The following LRRFIP2 variants were observed in gnomAD, a reference collection of about 807,000 sequenced individuals.
The protein encoded by LRRFIP2 is leucine-rich repeat flightless-interacting protein 2.
LRRFIP2 carries 109 observed loss-of-function variants against 125.9 expected under a neutral mutation model. The observed-to-expected ratio is 0.87, with a 90% CI of 0.74 to 1.01. The LOEUF is 1.01. Among genes scored for constraint, LRRFIP2 ranks in the 50% least tolerant of loss-of-function variants. The probability of loss-of-function intolerance (pLI) is 0.00; values close to 1 mark genes in which losing one functional copy is unlikely to be tolerated. For synonymous variants in LRRFIP2, 291 were observed against 293.1 expected (o/e 0.99, Z 0.07); for missense variants, 850 against 862.3 (o/e 0.99, Z 0.18).
At chr3:37,134,329 A>C (rs2095504088) in intron 2 of LRRFIP2, among the ~76,000 whole-genome samples, 1 of 152,204 alleles carries the variant, frequency 6.6e-6, no homozygotes, top group South Asian at 2.1e-4. Context: ...CACATAATGG[A>C]CACTAAGAAA....
In LRRFIP2 at chr3:37,054,401, AAAG is replaced by A; in HGVS notation, c.2055+7_2055+9del. The A allele has an allele frequency of 6.3e-7, 1 of 1,598,834 alleles. No homozygotes were observed. Among genetic ancestry groups the A allele is most frequent in the South Asian group, 1.1e-5 (1 of 90,248 alleles). On this transcript the variant is annotated splice_region_variant and intron_variant, in intron 27 of 27. Coordinates refer to ENST00000336686, the MANE Select transcript of LRRFIP2 (RefSeq NM_006309.4). ...AATGTATTCTCCAAGAAACATATTA[AAAG>A]AAGTACCTCTCGTTGTAGCTTCCGT...
At chr3:37,106,838 T>C (rs1331497946) in intron 13 of LRRFIP2, among the ~76,000 whole-genome samples, 2 of 152,124 alleles carry the variant, frequency 1.3e-5, no homozygotes, top group African/African-American at 4.8e-5. Flanking sequence ...TGGATAAGAA[T>C]GGTCATTGTA....
At chr3:37,087,814 C>T (rs1410280140) in intron 18 of LRRFIP2, among the ~76,000 whole-genome samples, 1 of 151,812 alleles carries the variant, frequency 6.6e-6, no homozygotes, top group African/African-American at 2.4e-5. Context: ...GTCTTGACCT[C>T]CTGACCTCAG....
intron 15 of LRRFIP2, among the ~76,000 whole-genome samples, chr3:37,100,993 T>A (rs2094006774): frequency 6.6e-6 from 1 of 152,184 alleles, no homozygotes; most frequent in Admixed American, 6.5e-5. Flanking sequence ...AATAGTTATT[T>A]AAATACGATC....
rs759831013 is a variant in LRRFIP2, at chr3:37,053,801, C to T, written c.*50G>A. 2 of 1,259,730 alleles carry T rather than the reference C, an allele frequency of 1.6e-6. No homozygotes were observed. The highest frequency in any genetic ancestry group is 4.6e-5 in the East Asian group (2 of 43,248). The allele number at this position is 1,259,730 out of a possible 1,614,324, so 78.0% of individuals were successfully genotyped here. On this transcript the variant is annotated 3_prime_UTR_variant, in exon 28 of 28. Coordinates refer to ENST00000336686, the MANE Select transcript of LRRFIP2 (RefSeq NM_006309.4). ...TTGTGTCAATGGACAAAAGTCAGTC[C>T]CTCTAGGTAGGGCCCCAAGGAGCAT...
In LRRFIP2 at chr3:37,083,813, G is replaced by A; in HGVS notation, c.1108-7C>T. 1 of 1,583,302 alleles carries A rather than the reference G, an allele frequency of 6.3e-7. No individual in the cohort carries two copies. Among genetic ancestry groups the A allele is most frequent in the Non-Finnish European group, 8.6e-7 (1 of 1,169,562 alleles). On this transcript the variant is annotated splice_polypyrimidine_tract_variant and splice_region_variant and intron_variant, in intron 18 of 27. Transcript: ENST00000336686. ...CCACTTCAGACAAAGATTCCTAAAT[G>A]AGAGTTAAGTCATCAGTCTGATATC...
intron 1 of LRRFIP2, among the ~76,000 whole-genome samples, chr3:37,169,441 T>C (rs971184445): frequency 6.6e-6 from 1 of 152,198 alleles, no homozygotes. Flanking sequence ...TAAAGCTGAA[T>C]TTTTTTCTAC....
At chr3:37,101,095 TG>T (rs2094012555) in intron 15 of LRRFIP2, among the ~76,000 whole-genome samples, 3 of 152,072 alleles carry the variant, frequency 2.0e-5, no homozygotes, top group Non-Finnish European at 1.5e-5. Context: ...CGGTGGCTCA[TG>T]TATGTAATCT....
At chr3:37,156,232 C>G (rs2096186407) in intron 1 of LRRFIP2, among the ~76,000 whole-genome samples, 1 of 152,132 alleles carries the variant, frequency 6.6e-6, no homozygotes, top group East Asian at 1.9e-4. Context: ...GTAATCCCAG[C>G]ACTCTGCGAG....
intron 2 of LRRFIP2, among the ~76,000 whole-genome samples, chr3:37,144,321 T>C (rs1374655761): frequency 2.0e-5 from 3 of 152,244 alleles, no homozygotes; most frequent in Admixed American, 1.3e-4. Flanking sequence ...CTTTCTCCCT[T>C]CCTTTCTTCC....
chr3:37,088,722 A>G (rs1043331901), intron 18 of LRRFIP2, among the ~76,000 whole-genome samples: 1 of 152,106 alleles, frequency 6.6e-6, no homozygotes, highest in Non-Finnish European at 1.5e-5. Context: ...GCTTGAGTCC[A>G]GGAGTTCAAG....
intron 21 of LRRFIP2, chr3:37,067,003 T>C (rs2090291812): frequency 6.6e-6 from 1 of 152,236 alleles, no homozygotes; most frequent in Non-Finnish European, 1.5e-5. Flanking sequence ...ACTGACAAAA[T>C]AAATACAGCC....
chr3:37,082,441 C>T (rs2092721215), intron 19 of LRRFIP2, among the ~76,000 whole-genome samples: 1 of 152,124 alleles, frequency 6.6e-6, no homozygotes, highest in Non-Finnish European at 1.5e-5. Flanking sequence ...CCTGTCCCCA[C>T]ACACGCACAG....
intron 26 of LRRFIP2, 92 bp from the exon 27 acceptor site, chr3:37,054,607 G>C (rs2086266284): frequency 3.7e-6 from 3 of 819,550 alleles, no homozygotes; most frequent in Non-Finnish European, 4.0e-6. Context: ...CATTATAAAT[G>C]CCAAGTAATC....
At chr3:37,054,933 A>G (rs1176434580) in intron 26 of LRRFIP2, among the ~76,000 whole-genome samples, 153 bp downstream of exon 26, 2 of 152,222 alleles carry the variant, frequency 1.3e-5, no homozygotes, top group East Asian at 3.8e-4. Context: ...GAAGGCTAAA[A>G]TGTCCCAACA....
At chr3:37,058,547 C>T (rs574691147) in intron 25 of LRRFIP2, among the ~76,000 whole-genome samples, 7 of 151,980 alleles carry the variant, frequency 4.6e-5, no homozygotes, top group South Asian at 2.1e-4. Flanking sequence ...TGGTGGCAGG[C>T]GCCTATAATC....
chr3:37,057,934 C>T (rs1383626730), intron 25 of LRRFIP2, among the ~76,000 whole-genome samples: 2 of 151,994 alleles, frequency 1.3e-5, no homozygotes, highest in East Asian at 1.9e-4. Flanking sequence ...TGGAATAATT[C>T]GGGTAAAATG....
rs35821140 is a variant in LRRFIP2, at chr3:37,084,174, G to A, written c.1108-368C>T. On this transcript the variant is annotated intron_variant, in intron 18 of 27. Transcript: ENST00000336686. ...TTAATAACAGACTGGTGTTCAGAAC[G>A]CAGTGATACCACAGAATACAGCCTC... 8.9e-3 allele frequency among the ~76,000 whole-genome samples: 1,357 copies of A among 152,210 alleles called. 14 individuals carry two copies. Among genetic ancestry groups the A allele is most frequent in the Non-Finnish European group, 0.012 (823 of 68,012 alleles).
intron 25 of LRRFIP2, among the ~76,000 whole-genome samples, chr3:37,055,645 ATAC>A (rs1356392850): frequency 2.0e-5 from 3 of 152,236 alleles, no homozygotes; most frequent in Admixed American, 1.3e-4. Flanking sequence ...TGGACTGTAT[ATAC>A]TACAAGATGC....
Sources: gnomAD v4.1 joint callset for allele counts (sites outside exome capture counted in the v4.1 genomes callset) on GRCh38, gnomAD v4.1.1 for gene constraint, MANE v1.5 for transcripts, NCBI Gene and HGNC (gene_info 2026-07-23, HGNC 2026-07-21) for gene names.